The following GAB2 variants were observed in gnomAD, a reference collection of about 807,000 sequenced individuals.
GAB2 encodes the protein GRB2-associated-binding protein 2.
GAB2 carries 26 observed loss-of-function variants against 65.5 expected under a neutral mutation model. The ratio of observed to expected loss-of-function variants is 0.40; its 90% CI spans 0.29 to 0.55. The LOEUF is 0.55. Ranked by LOEUF, GAB2 falls within the 20% of genes least tolerant of loss-of-function variation. The pLI is 0.53. For missense variants in GAB2, 884 were observed against 875.8 expected (o/e 1.01, Z -0.12); for synonymous variants, 321 against 329.6 (o/e 0.97, Z 0.28).
At chr11:78,323,202 T>G (rs1401735850) in intron 1 of GAB2, among the ~76,000 whole-genome samples, 1 of 152,052 alleles carries the variant, frequency 6.6e-6, no homozygotes, top group Admixed American at 6.6e-5. Context: ...TTATTCTAAG[T>G]GAATTAATGT....
At chr11:78,220,254 C>T in intron 9 of GAB2, 65 bp downstream of exon 9, 1 of 1,586,288 alleles carries the variant, frequency 6.3e-7, no homozygotes, top group Non-Finnish European at 8.6e-7. Context: ...GCACCCTGGC[C>T]TCCATGATCT....
At chr11:78,291,550 T>TC (rs1866675848) in intron 1 of GAB2, among the ~76,000 whole-genome samples, 1 of 98,754 alleles carries the variant, frequency 1.0e-5, no homozygotes, top group Admixed American at 9.8e-5. Context: ...GAGACTTACT[T>TC]TTTTCTTTTT....
rs535328309 is a variant in GAB2 at position 78,259,424 on chromosome 11, G to A, written c.377-9024C>T. On this transcript the variant is annotated intron_variant, in intron 2 of 9. Transcript: ENST00000361507. ...TATTTGATAGGATTCTAAGGAGTGT[G>A]TGGTCCCTGTAGAAAGCTCACTGAA... 4.0e-4 allele frequency among the ~76,000 whole-genome samples: 61 copies of A among 152,288 alleles called. No homozygotes were observed. In the South Asian group the frequency reaches 7.3e-3, roughly 18 times the overall value.
At chr11:78,298,641 C>T (rs1315388132) in intron 1 of GAB2, among the ~76,000 whole-genome samples, 2 of 152,164 alleles carry the variant, frequency 1.3e-5, no homozygotes, top group East Asian at 3.9e-4. Flanking sequence ...GAGCTGTTGC[C>T]AACCCTTTAA....
rs1023669855 is a variant in GAB2, at chr11:78,215,345, G to C, written c.*3927C>G. On this transcript the variant is annotated 3_prime_UTR_variant, in exon 10 of 10. Coordinates refer to ENST00000361507, the MANE Select transcript of GAB2 (RefSeq NM_080491.3). ...ATTGTCCTGCTCCAACACCACAGTAGAAAGGGACCTGCAAGCTCCAAGCCT... is the reference window on the plus strand; with the variant it reads ...ATTGTCCTGCTCCAACACCACAGTACAAAGGGACCTGCAAGCTCCAAGCCT... 6.6e-6 allele frequency: 1 copy of C among 152,562 alleles called. No homozygotes were observed. Among genetic ancestry groups the C allele is most frequent in the African/African-American group, 2.4e-5 (1 of 41,412 alleles). The allele number at this position is 152,562 out of a possible 1,614,324, so 9.5% of individuals were successfully genotyped here.
chr11:78,376,879 G>A (rs1856637346), intron 1 of GAB2, among the ~76,000 whole-genome samples: 4 of 152,214 alleles, frequency 2.6e-5, no homozygotes, highest in Admixed American at 2.6e-4. Context: ...TAGTACGGGA[G>A]GTGGGGCTTG....
At chr11:78,368,191 G>C (rs1346093732) in intron 1 of GAB2, among the ~76,000 whole-genome samples, 1 of 152,180 alleles carries the variant, frequency 6.6e-6, no homozygotes, top group Non-Finnish European at 1.5e-5. Flanking sequence ...GCCACATGCT[G>C]AGGTATTTCT....
chr11:78,234,199 C>T (rs1864926710), intron 3 of GAB2, among the ~76,000 whole-genome samples: 1 of 152,198 alleles, frequency 6.6e-6, no homozygotes, highest in Non-Finnish European at 1.5e-5. Flanking sequence ...CCTCCCACCA[C>T]AGCCTGCTGA....
intron 1 of GAB2, among the ~76,000 whole-genome samples, chr11:78,295,562 A>G (rs1236318587): frequency 6.6e-6 from 1 of 152,212 alleles, no homozygotes; most frequent in Non-Finnish European, 1.5e-5. Flanking sequence ...ACTTATGGAA[A>G]GGGCAGACAA....
intron 1 of GAB2, among the ~76,000 whole-genome samples, chr11:78,413,140 T>A (rs866773275): frequency 6.6e-6 from 1 of 152,170 alleles, no homozygotes; most frequent in South Asian, 2.1e-4. Flanking sequence ...AACATTCAAA[T>A]AGAGATGCCC....
chr11:78,404,903 T>C (rs145037110), intron 1 of GAB2, among the ~76,000 whole-genome samples: 21 of 152,266 alleles, frequency 1.4e-4, no homozygotes, highest in African/African-American at 5.1e-4. Context: ...AAGACTGGAA[T>C]TGGAATGTTC....
intron 1 of GAB2, among the ~76,000 whole-genome samples, chr11:78,342,629 C>G (rs758194369): frequency 1.1e-4 from 17 of 152,088 alleles, no homozygotes; most frequent in Non-Finnish European, 1.8e-4. Context: ...AGGATGGTCT[C>G]CATCTCCTGA....
At chr11:78,275,753 T>G (rs1306760002) in intron 2 of GAB2, among the ~76,000 whole-genome samples, 1 of 152,184 alleles carries the variant, frequency 6.6e-6, no homozygotes, top group Non-Finnish European at 1.5e-5. Flanking sequence ...CATATTTCTG[T>G]GTGTGTATAT....
Position 78,322,516 on chromosome 11 carries a change from G to T in GAB2, c.76-41615C>A, listed in dbSNP as rs576915431. ...AAAGAAACTATCGAGAGAGTAAAGA[G>T]ACAACCTACAGAATGAGAGAAAATA... On this transcript the variant is annotated intron_variant, in intron 1 of 9. Transcript: ENST00000361507. Among the ~76,000 whole-genome samples, 7 of 151,798 alleles carry T rather than the reference G, an allele frequency of 4.6e-5. No homozygotes were observed. The East Asian group carries it at 1.2e-3, about 25-fold the overall frequency.
chr11:78,404,874 T>C (rs950922703), intron 1 of GAB2, among the ~76,000 whole-genome samples: 1 of 152,190 alleles, frequency 6.6e-6, no homozygotes, highest in Admixed American at 6.5e-5. Flanking sequence ...CAATAATTTA[T>C]TGTATACTTC....
chr11:78,294,566 C>T (rs530274722), intron 1 of GAB2, among the ~76,000 whole-genome samples: 1 of 152,304 alleles, frequency 6.6e-6, no homozygotes, highest in South Asian at 2.1e-4. Flanking sequence ...TCCACATCCT[C>T]TCCAGCACCT....
intron 1 of GAB2, among the ~76,000 whole-genome samples, chr11:78,314,421 A>G (rs906936233): frequency 3.3e-5 from 5 of 152,252 alleles, no homozygotes; most frequent in South Asian, 4.1e-4. Context: ...TTGTAGATGA[A>G]CAAACTGAGT....
rs371289396 is a variant in GAB2, at chr11:78,228,137, C to T, written c.621-1086G>A. ...CTCCTCTCTCAGGTGGGACCTAGTA[C>T]GTCACAATGATTTCTAAGGGCCCAT... On this transcript the variant is annotated intron_variant, in intron 3 of 9. Transcript: ENST00000361507. Among the ~76,000 whole-genome samples, 105 of 152,262 alleles carry T rather than the reference C, an allele frequency of 6.9e-4. 1 individual carries two copies. The highest frequency in any genetic ancestry group is 6.8e-3 in the Middle Eastern group (2 of 294).
At position 78,370,817 on chromosome 11, in the gene GAB2, C is replaced by G. The variant is rs141225809; in HGVS notation, c.75+46829G>C. ...TCTGCTGGCTCCTTCCCTTCTCCAG[C>G]TTCCAACTGCTCTGGTCAGTGATGT... On this transcript the variant is annotated intron_variant, in intron 1 of 9. Coordinates refer to ENST00000361507, the MANE Select transcript of GAB2 (RefSeq NM_080491.3). Among the ~76,000 whole-genome samples, 536 of 152,162 alleles carry G rather than the reference C, an allele frequency of 3.5e-3. 5 individuals are homozygous for G. Among genetic ancestry groups the G allele is most frequent in the African/African-American group, 0.012 (482 of 41,494 alleles).
Sources: gnomAD v4.1 joint callset for allele counts (sites outside exome capture counted in the v4.1 genomes callset) on GRCh38, gnomAD v4.1.1 for gene constraint, MANE v1.5 for transcripts, NCBI Gene and HGNC (gene_info 2026-07-23, HGNC 2026-07-21) for gene names.